Variants in ZBTB7C observed in about 807,000 individuals in gnomAD.
The protein encoded by ZBTB7C is zinc finger and BTB domain-containing protein 7C.
In ZBTB7C, 8 loss-of-function variants were observed where a neutral mutation model predicts 25.7. That is an observed-to-expected ratio of 0.31 (90% CI 0.18 to 0.56). The LOEUF (loss-of-function observed/expected upper bound fraction) is 0.56. ZBTB7C is among the 20% of genes least tolerant of loss of function. The pLI is 0.91. For missense variants in ZBTB7C, 824 were observed against 855.2 expected (o/e 0.96, Z 0.46); for synonymous variants, 394 against 369.0 (o/e 1.07, Z -0.78).
At position 48,278,882 on chromosome 18, in the gene ZBTB7C, A is replaced by T. The variant is rs564253562; in HGVS notation, c.-79+59292T>A. ...CTCCTCACAGGCTGTCCCCTCAGGGACTGCAATGGGTTTGTGTTTTGATTT... is the reference window on the plus strand; with the variant it reads ...CTCCTCACAGGCTGTCCCCTCAGGGTCTGCAATGGGTTTGTGTTTTGATTT... On this transcript the variant is annotated intron_variant, in intron 2 of 4. Coordinates refer to ENST00000590800, the MANE Select transcript of ZBTB7C (RefSeq NM_001318841.2). Among the ~76,000 whole-genome samples the T allele has an allele frequency of 2.6e-5, 4 of 151,502 alleles. No homozygotes were observed. In the East Asian group the frequency reaches 7.7e-4, roughly 29 times the overall value.
At position 48,059,674 on chromosome 18, in the gene ZBTB7C, C is replaced by T. The variant is rs184635166; in HGVS notation, c.-16-18551G>A. On this transcript the variant is annotated intron_variant, in intron 3 of 4. Coordinates refer to ENST00000590800, the MANE Select transcript of ZBTB7C (RefSeq NM_001318841.2). ...CTTTTCAAAGATATTTCTTTCAAAGCCAGAGCGACAGCCTCCCTTTCAGCT... is the reference window on the plus strand; with the variant it reads ...CTTTTCAAAGATATTTCTTTCAAAGTCAGAGCGACAGCCTCCCTTTCAGCT... Among the ~76,000 whole-genome samples, 65 of 152,306 alleles carry T rather than the reference C, an allele frequency of 4.3e-4. 1 individual carries two copies. The East Asian group carries it at 5.6e-3, about 13-fold the overall frequency.
chr18:48,162,879 A>C (rs1168735152), intron 3 of ZBTB7C, among the ~76,000 whole-genome samples: 1 of 152,230 alleles, frequency 6.6e-6, no homozygotes, highest in Admixed American at 6.5e-5. Flanking sequence ...AGCTCTGGGC[A>C]GGTAAGACCT....
rs2035639766 is a variant in ZBTB7C, at chr18:48,029,488, C to T, written c.1632G>A (p.Leu544=). The T allele has an allele frequency of 3.1e-6, 5 of 1,595,520 alleles. No homozygotes were observed. The highest frequency in any genetic ancestry group is 4.3e-6 in the Non-Finnish European group (5 of 1,175,392). ...FLAAPKGALS[L]QELERQFEET... is the part of the protein sequence containing the mutation. ...CCTCGAACTGCCGCTCCAGCTCTTG[C>T]AGGCTCAGGGCGCCCTTGGGCGCTG... is the stretch of plus-strand genomic sequence containing the variant. Residue 544 remains leucine (L), a synonymous_variant, in exon 5 of 5, where the codon CTG becomes CTA. Coordinates refer to ENST00000590800, the MANE Select transcript of ZBTB7C (RefSeq NM_001318841.2).
chr18:48,034,696 G>T (rs369538478), intron 4 of ZBTB7C, among the ~76,000 whole-genome samples: 1 of 152,174 alleles, frequency 6.6e-6, no homozygotes, highest in Non-Finnish European at 1.5e-5. Flanking sequence ...AGAACTCTCC[G>T]ACTACAAATC....
chr18:48,257,760 A>T (rs2044060002), intron 2 of ZBTB7C, among the ~76,000 whole-genome samples: 1 of 152,062 alleles, frequency 6.6e-6, no homozygotes, highest in Middle Eastern at 3.4e-3. Context: ...TTTGAAAATC[A>T]GTGTAAGGCG....
At chr18:48,278,936 C>T (rs1324268092) in intron 2 of ZBTB7C, among the ~76,000 whole-genome samples, 3 of 149,900 alleles carry the variant, frequency 2.0e-5, no homozygotes, top group African/African-American at 5.0e-5. Context: ...TGTTGTTTTG[C>T]TTTCTTGTTT....
intron 2 of ZBTB7C, among the ~76,000 whole-genome samples, chr18:48,268,883 C>T (rs920365399): frequency 1.3e-5 from 2 of 151,708 alleles, no homozygotes; most frequent in Non-Finnish European, 2.9e-5. Flanking sequence ...ATTTATTGCT[C>T]ACAGTTCTAG....
chr18:48,349,492 C>T, intron 1 of ZBTB7C, among the ~76,000 whole-genome samples: 1 of 128,482 alleles, frequency 7.8e-6, no homozygotes, highest in East Asian at 2.1e-4. Context: ...AAGCAGATCC[C>T]TACATAAGGG....
rs2035598592 is a variant in ZBTB7C at position 48,028,570 on chromosome 18, T to C, written c.*690A>G. 6.6e-6 allele frequency: 1 copy of C among 152,118 alleles called. No homozygotes were observed. The highest frequency in any genetic ancestry group is 2.1e-4 in the South Asian group (1 of 4,820). 9.4% of individuals were successfully genotyped at this position (152,118 alleles called of 1,614,324 possible). On this transcript the variant is annotated 3_prime_UTR_variant, in exon 5 of 5. Transcript: ENST00000590800. Reference sequence around the variant, plus strand: ...CTCTGGGGGGATAGGTGTGTATGTGTTTAGAGGTGGAGGGCGGAAACCTCA... The same window carrying C: ...CTCTGGGGGGATAGGTGTGTATGTGCTTAGAGGTGGAGGGCGGAAACCTCA...
At chr18:48,043,180 A>G (rs944277946) in intron 3 of ZBTB7C, among the ~76,000 whole-genome samples, 1 of 152,218 alleles carries the variant, frequency 6.6e-6, no homozygotes, top group Non-Finnish European at 1.5e-5. Context: ...ATGATTTGGC[A>G]GATCTTAAAA....
chr18:48,354,736 G>A (rs1482244619), intron 1 of ZBTB7C, among the ~76,000 whole-genome samples: 1 of 152,174 alleles, frequency 6.6e-6, no homozygotes, highest in Non-Finnish European at 1.5e-5. Context: ...AGTTAGGCAG[G>A]GAGGAAAGGG....
chr18:48,052,366 C>T (rs1427117984), intron 3 of ZBTB7C, among the ~76,000 whole-genome samples: 1 of 152,202 alleles, frequency 6.6e-6, no homozygotes, highest in Admixed American at 6.5e-5. Flanking sequence ...GATAACTGGG[C>T]TAAGTGGTAC....
chr18:48,048,251 G>A (rs2036550958), intron 3 of ZBTB7C, among the ~76,000 whole-genome samples: 1 of 152,220 alleles, frequency 6.6e-6, no homozygotes, highest in African/African-American at 2.4e-5. Context: ...CCTTGTCTGA[G>A]CTGTGAAGAG....
intron 2 of ZBTB7C, among the ~76,000 whole-genome samples, chr18:48,234,787 G>T (rs1599157923): frequency 6.6e-6 from 1 of 152,092 alleles, no homozygotes; most frequent in Non-Finnish European, 1.5e-5. Context: ...ACTGAGAAAG[G>T]TGTATTTAAA....
At chr18:48,247,963 T>C (rs2043743502) in intron 2 of ZBTB7C, among the ~76,000 whole-genome samples, 1 of 152,188 alleles carries the variant, frequency 6.6e-6, no homozygotes, top group Non-Finnish European at 1.5e-5. Flanking sequence ...GATAATTGAA[T>C]CATGGGGGTG....
chr18:48,087,471 G>T (rs1449765939), intron 3 of ZBTB7C, among the ~76,000 whole-genome samples: 1 of 152,134 alleles, frequency 6.6e-6, no homozygotes, highest in East Asian at 1.9e-4. Context: ...TGTGACCCTG[G>T]TCTGGCAGAG....
intron 1 of ZBTB7C, among the ~76,000 whole-genome samples, chr18:48,359,136 G>A (rs980952079): frequency 6.6e-6 from 1 of 152,116 alleles, no homozygotes; most frequent in African/African-American, 2.4e-5. Flanking sequence ...CCAACAAAGG[G>A]CACAGGAAGG....
intron 2 of ZBTB7C, among the ~76,000 whole-genome samples, chr18:48,314,699 G>A (rs538693612): frequency 6.6e-6 from 1 of 152,232 alleles, no homozygotes; most frequent in East Asian, 1.9e-4. Context: ...CTCCAGCTGA[G>A]CTTCCTTGGA....
intron 3 of ZBTB7C, among the ~76,000 whole-genome samples, chr18:48,112,832 G>A (rs936160617): frequency 2.6e-5 from 4 of 152,200 alleles, no homozygotes; most frequent in African/African-American, 7.2e-5. Flanking sequence ...ATTCCAAGCA[G>A]TGGGATTACG....
Sources: gnomAD v4.1 joint callset for allele counts (sites outside exome capture counted in the v4.1 genomes callset) on GRCh38, gnomAD v4.1.1 for gene constraint, MANE v1.5 for transcripts, NCBI Gene and HGNC (gene_info 2026-07-23, HGNC 2026-07-21) for gene names.